Variants in MIB1 observed in about 807,000 individuals in gnomAD.
MIB1 encodes E3 ubiquitin-protein ligase MIB1.
In MIB1, 278 loss-of-function variants were observed where a neutral mutation model predicts 124.5. The observed-to-expected ratio is 2.23, with a 90% CI of 2.02 to 2.47. MIB1 has a LOEUF of 2.47. MIB1 is among the 30% of genes most tolerant of loss of function. The probability of loss-of-function intolerance (pLI) is 0.00; values close to 1 mark genes in which losing one functional copy is unlikely to be tolerated. For synonymous variants in MIB1, 446 were observed against 429.4 expected, an observed-to-expected ratio of 1.04 and a Z score of -0.48; for missense variants, 957 against 1,254.4, an observed-to-expected ratio of 0.76 and a Z score of 3.58.
intron 20 of MIB1, among the ~76,000 whole-genome samples, chr18:21,858,965 C>G (rs959229658): frequency 1.3e-5 from 2 of 152,020 alleles, no homozygotes; most frequent in South Asian, 4.2e-4. Flanking sequence ...AAATGTTAGG[C>G]AGAATATGTA....
At position 21,860,098 on chromosome 18, in the gene MIB1, C is replaced by CTTTTTTTTTTTTTTTTTT. The variant is rs398032096; in HGVS notation, c.2880+1462_2880+1479dup. Among the ~76,000 whole-genome samples, 20 of 26,460 alleles carry CTTTTTTTTTTTTTTTTTT rather than the reference C, an allele frequency of 7.6e-4. 3 individuals are homozygous for CTTTTTTTTTTTTTTTTTT. The highest frequency in any genetic ancestry group is 1.5e-3 in the East Asian group (1 of 676). The allele number at this position is 26,460 out of a possible 152,430, so 17.4% of individuals were successfully genotyped here. ...GTGTTGGTTATGTTGTTCTTTATGT[C>CTTTTTTTTTTTTTTTTTT]TTTTTTTTTTTTTTTTTTTTTTTTT... On this transcript the variant is annotated intron_variant, in intron 20 of 20. Transcript: ENST00000261537.
intron 4 of MIB1, among the ~76,000 whole-genome samples, chr18:21,776,594 C>T (rs1056213229): frequency 6.6e-6 from 1 of 152,212 alleles, no homozygotes; most frequent in African/African-American, 2.4e-5. Context: ...TATACCACAG[C>T]TACCTCCCCC....
Position 21,843,225 on chromosome 18 carries a change from A to G in MIB1, c.2049+8A>G, listed in dbSNP as rs370952775. 6.5e-7 allele frequency: 1 copy of G among 1,544,160 alleles called. No homozygotes were observed. The highest frequency in any genetic ancestry group is 8.7e-7 in the Non-Finnish European group (1 of 1,147,216). Reference sequence around the variant, plus strand: ...CATACCCAGATTGTTAGGGTAAAGTATTGACATACATTTTAGCTTATAATT... The same window carrying G: ...CATACCCAGATTGTTAGGGTAAAGTGTTGACATACATTTTAGCTTATAATT... On this transcript the variant is annotated splice_region_variant and intron_variant, in intron 14 of 20. Coordinates refer to ENST00000261537, the MANE Select transcript of MIB1 (RefSeq NM_020774.4).
chr18:21,838,461 TA>T lies in MIB1; in HGVS notation c.1928del (p.Asn643IlefsTer3). Reference sequence around the variant, plus strand: ...CTGCCTTACATCTGGCTGCCCTTAATAATCACGTAGAAGTGGCTGAACTGTT... The same window carrying T: ...CTGCCTTACATCTGGCTGCCCTTAATATCACGTAGAAGTGGCTGAACTGTT... ...YTALHLAALN[N>X]HVEVAELLVH... On this transcript the variant is annotated frameshift_variant, in exon 13 of 21. Transcript: ENST00000261537. LOFTEE classifies it high-confidence loss of function. The T allele has an allele frequency of 1.9e-6, 3 of 1,611,314 alleles. No individual in the cohort carries two copies. Among genetic ancestry groups the T allele is most frequent in the Non-Finnish European group, 2.5e-6 (3 of 1,178,576 alleles).
chr18:21,728,284 G>A lies in MIB1; in HGVS notation n.167+23161G>A, dbSNP rs2040752000. On this transcript the variant is annotated intron_variant and non_coding_transcript_variant, in intron 1 of 20. Coordinates refer to the MIB1 transcript ENST00000578646. ...GAGGTGGGCGGCTTGGCTGAGGTCAGAAGTTCGAGACCAGCCTGGCCAACA... is the reference window on the plus strand; with the variant it reads ...GAGGTGGGCGGCTTGGCTGAGGTCAAAAGTTCGAGACCAGCCTGGCCAACA... Among the ~76,000 whole-genome samples, 2 of 152,192 alleles carry A rather than the reference G, an allele frequency of 1.3e-5. 1 individual carries two copies. Among genetic ancestry groups the A allele is most frequent in the South Asian group, 4.1e-4 (2 of 4,832 alleles).
At chr18:21,762,833 C>T (rs1598597919) in intron 1 of MIB1, among the ~76,000 whole-genome samples, 2 of 152,100 alleles carry the variant, frequency 1.3e-5, no homozygotes, top group East Asian at 3.9e-4. Flanking sequence ...ATTAAATGTT[C>T]CCCATATACA....
At chr18:21,856,640 A>G (rs550264247) in intron 18 of MIB1, among the ~76,000 whole-genome samples, 24 of 152,368 alleles carry the variant, frequency 1.6e-4, no homozygotes, top group African/African-American at 5.3e-4. Context: ...TGACAGGTTG[A>G]TAGGTGCAGC....
chr18:21,750,075 GT>G (rs904212592), intron 1 of MIB1, among the ~76,000 whole-genome samples: 1 of 151,286 alleles, frequency 6.6e-6, no homozygotes, highest in African/African-American at 2.4e-5. Flanking sequence ...GAAAAATTAG[GT>G]TTTTTTTGCA....
At chr18:21,847,516 A>C (rs1362058352) in intron 16 of MIB1, among the ~76,000 whole-genome samples, 2 of 152,118 alleles carry the variant, frequency 1.3e-5, no homozygotes, top group African/African-American at 4.8e-5. Context: ...TATTTTTTAA[A>C]AATACGTCTT....
At chr18:21,722,069 T>TG (rs1568176088) in intron 1 of MIB1, among the ~76,000 whole-genome samples, 1 of 151,160 alleles carries the variant, frequency 6.6e-6, no homozygotes, top group African/African-American at 2.4e-5. Context: ...GTGTGTGTGT[T>TG]TTTAAGACGG....
At chr18:21,767,252 CTT>C (rs928827984) in intron 2 of MIB1, among the ~76,000 whole-genome samples, 1 of 152,104 alleles carries the variant, frequency 6.6e-6, no homozygotes, top group African/African-American at 2.4e-5. Flanking sequence ...CCTCAGGAAA[CTT>C]ATAATCATGG....
At chr18:21,790,201 T>C (rs2041485915) in intron 6 of MIB1, among the ~76,000 whole-genome samples, 1 of 152,238 alleles carries the variant, frequency 6.6e-6, no homozygotes, top group African/African-American at 2.4e-5. Flanking sequence ...GCAGTTTGGC[T>C]CTATTGGAAT....
chr18:21,801,148 T>C (rs1297268554), intron 9 of MIB1, among the ~76,000 whole-genome samples: 2 of 152,092 alleles, frequency 1.3e-5, no homozygotes, highest in African/African-American at 4.8e-5. Flanking sequence ...CTGATAGCCT[T>C]CATATTTACC....
intron 12 of MIB1, chr18:21,828,806 A>T: frequency 5.3e-6 from 1 of 190,396 alleles, no homozygotes; most frequent in South Asian, 8.6e-5. Flanking sequence ...ACTTCACTGG[A>T]TCTTCTTTTC....
In MIB1 at chr18:21,741,081, C is replaced by CG. The variant is rs1166772966; in HGVS notation, c.-498dup. Reference sequence around the variant, plus strand: ...CGCCGGGAGGTACCACCGCTGCCCACGGGGGAGGAGGCGGCGCCGGCGCTT... The same window carrying CG: ...CGCCGGGAGGTACCACCGCTGCCCACGGGGGGAGGAGGCGGCGCCGGCGCTT... On this transcript the variant is annotated 5_prime_UTR_variant, in exon 1 of 21. It removes the in-frame stop codon of an upstream open reading frame in the 5' UTR. Transcript: ENST00000261537. The surrounding 1 kb of genome is among the most constrained non-coding windows in gnomAD (Gnocchi z 5.4). Among the ~76,000 whole-genome samples the CG allele has an allele frequency of 1.3e-5, 2 of 151,976 alleles. No individual in the cohort carries two copies. Among genetic ancestry groups the CG allele is most frequent in the African/African-American group, 4.8e-5 (2 of 41,418 alleles).
chr18:21,809,771 A>G (rs562695450), intron 10 of MIB1, among the ~76,000 whole-genome samples: 7 of 152,236 alleles, frequency 4.6e-5, no homozygotes, highest in Non-Finnish European at 1.0e-4. Flanking sequence ...TAAAAGCCAT[A>G]TATGAAAAAC....
At chr18:21,780,584 A>G (rs1383087172) in intron 6 of MIB1, among the ~76,000 whole-genome samples, 2 of 152,182 alleles carry the variant, frequency 1.3e-5, no homozygotes, top group East Asian at 3.8e-4. Flanking sequence ...TTTATAGCTG[A>G]GTAATACTCC....
At chr18:21,720,894 G>T (rs1156256482) in intron 1 of MIB1, among the ~76,000 whole-genome samples, 1 of 152,156 alleles carries the variant, frequency 6.6e-6, no homozygotes, top group African/African-American at 2.4e-5. Context: ...GTTCGAGGCT[G>T]CAGTAAGCCA....
At chr18:21,775,302 C>G (rs1473665878) in intron 4 of MIB1, among the ~76,000 whole-genome samples, 1 of 151,966 alleles carries the variant, frequency 6.6e-6, no homozygotes, top group East Asian at 1.9e-4. Flanking sequence ...TGCAGTGGTG[C>G]AATCATAGTT....
Sources: allele counts gnomAD v4.1 joint callset (sites outside exome capture counted in the v4.1 genomes callset), GRCh38; gene constraint gnomAD v4.1.1; non-coding constraint Gnocchi (gnomAD v3.1); transcripts MANE v1.5; gene names NCBI Gene and HGNC (gene_info 2026-07-23, HGNC 2026-07-21).